Variants in ENOX1 observed in about 807,000 individuals in gnomAD.
The protein encoded by ENOX1 is ecto-NOX disulfide-thiol exchanger 1, also known as candidate growth-related and time keeping constitutive hydroquinone (NADH) oxidase.
ENOX1 carries 42 observed loss-of-function variants against 82.5 expected under a neutral mutation model. That is an observed-to-expected ratio of 0.51 (90% confidence interval 0.40 to 0.66). The LOEUF (loss-of-function observed/expected upper bound fraction) is 0.66, where lower values mean the gene tolerates loss of function less well. Ranked by LOEUF, ENOX1 falls within the 30% of genes least tolerant of loss-of-function variation. The probability of loss-of-function intolerance (pLI) is 0.00; values close to 1 mark genes in which losing one functional copy is unlikely to be tolerated. For synonymous variants in ENOX1, 271 were observed against 282.2 expected (o/e 0.96, Z 0.40); for missense variants, 608 against 811.6 (o/e 0.75, Z 3.05).
At chr13:43,228,920 G>A (rs999423446) in intron 15 of ENOX1, among the ~76,000 whole-genome samples, 7 of 152,192 alleles carry the variant, frequency 4.6e-5, no homozygotes, top group African/African-American at 1.7e-4. Context: ...TTGCTGGAAC[G>A]CTACCTTACA....
At chr13:43,664,350 G>C (rs1448026023) in intron 2 of ENOX1, among the ~76,000 whole-genome samples, 1 of 152,150 alleles carries the variant, frequency 6.6e-6, no homozygotes, top group East Asian at 1.9e-4. Flanking sequence ...CATGTTCAAG[G>C]CACCTGAGGT....
intron 5 of ENOX1, among the ~76,000 whole-genome samples, chr13:43,362,313 C>G (rs1038133522): frequency 1.3e-5 from 2 of 151,696 alleles, no homozygotes; most frequent in African/African-American, 2.4e-5. Context: ...TTTCTAACAG[C>G]AGGGGCTATG....
Position 43,281,971 on chromosome 13 carries a change from G to A in ENOX1, c.1447-12394C>T, listed in dbSNP as rs192543292. 1.4e-4 allele frequency among the ~76,000 whole-genome samples: 21 copies of A among 152,148 alleles called. 1 individual carries two copies. The highest frequency in any genetic ancestry group is 3.9e-4 in the East Asian group (2 of 5,186). On this transcript the variant is annotated intron_variant, in intron 12 of 16. Coordinates refer to ENST00000690772, the MANE Select transcript of ENOX1 (RefSeq NM_001347969.2). Reference sequence around the variant, plus strand: ...TATGAGGATTGAAAGAGATTATATCGGGATTAATCTGGGAAGGTTAAAAAA... The same window carrying A: ...TATGAGGATTGAAAGAGATTATATCAGGATTAATCTGGGAAGGTTAAAAAA...
At chr13:43,617,067 T>C (rs1024258979) in intron 2 of ENOX1, among the ~76,000 whole-genome samples, 4 of 152,164 alleles carry the variant, frequency 2.6e-5, no homozygotes, top group African/African-American at 7.2e-5. Flanking sequence ...TGTATGAACA[T>C]ATACATAACT....
intron 5 of ENOX1, among the ~76,000 whole-genome samples, chr13:43,404,776 G>A (rs2053691912): frequency 6.6e-6 from 1 of 152,120 alleles, no homozygotes; most frequent in African/African-American, 2.4e-5. Context: ...CTAATGTCCT[G>A]GGGAAGAAAG....
chr13:43,355,254 T>C (rs185479398), intron 8 of ENOX1, among the ~76,000 whole-genome samples: 38 of 152,290 alleles, frequency 2.5e-4, no homozygotes, highest in African/African-American at 8.9e-4. Context: ...TACCAGAGCC[T>C]TCCTATGTCT....
At chr13:43,780,029 C>T (rs562211535) in intron 1 of ENOX1, among the ~76,000 whole-genome samples, 13 of 151,978 alleles carry the variant, frequency 8.6e-5, no homozygotes, top group African/African-American at 2.9e-4. Context: ...GGCATGGTGG[C>T]GAGCACCTGT....
At chr13:43,535,315 T>G (rs2078410436) in intron 2 of ENOX1, among the ~76,000 whole-genome samples, 2 of 152,148 alleles carry the variant, frequency 1.3e-5, no homozygotes, top group African/African-American at 4.8e-5. Context: ...AACCTATCAC[T>G]AAAGAACTCA....
chr13:43,491,864 A>G (rs1014702770), intron 2 of ENOX1, among the ~76,000 whole-genome samples: 3 of 152,174 alleles, frequency 2.0e-5, no homozygotes, highest in African/African-American at 7.2e-5. Context: ...AGGGCTCCCT[A>G]TTTTCCAAAG....
At chr13:43,435,875 G>A (rs1397437870) in intron 3 of ENOX1, among the ~76,000 whole-genome samples, 2 of 151,666 alleles carry the variant, frequency 1.3e-5, no homozygotes, top group African/African-American at 4.8e-5. Context: ...TTTTCATCTG[G>A]GGTATCAAGA....
intron 1 of ENOX1, among the ~76,000 whole-genome samples, chr13:43,746,025 C>T (rs11839311): frequency 0.011 from 1,662 of 152,160 alleles, 25 homozygotes; most frequent in African/African-American, 0.037. Flanking sequence ...ACTAATATAA[C>T]CACTTTAAAA....
At chr13:43,304,908 C>T (rs76187388) in intron 11 of ENOX1, among the ~76,000 whole-genome samples, 2,487 of 152,248 alleles carry the variant, frequency 0.016, 53 homozygotes, top group African/African-American at 0.056. Context: ...TCTGAACTCA[C>T]CTATGTTTGA....
chr13:43,429,576 G>A (rs2153612806), intron 3 of ENOX1, among the ~76,000 whole-genome samples: 1 of 152,258 alleles, frequency 6.6e-6, no homozygotes, highest in East Asian at 1.9e-4. Flanking sequence ...AGATCAAATG[G>A]GGAAAGACTT....
Position 43,581,958 on chromosome 13 carries a change from T to G in ENOX1, c.-219+85521A>C, listed in dbSNP as rs905958382. On this transcript the variant is annotated intron_variant, in intron 2 of 16. Coordinates refer to ENST00000690772, the MANE Select transcript of ENOX1 (RefSeq NM_001347969.2). ...TAAATCATATATAGTATGTTCTACA[T>G]GCATGTATATATCATATCTGCACCC... 2.6e-5 allele frequency among the ~76,000 whole-genome samples: 4 copies of G among 152,360 alleles called. No homozygotes were observed. The East Asian group carries it at 7.7e-4, about 29-fold the overall frequency.
chr13:43,607,283 T>A (rs1163846284), intron 2 of ENOX1, among the ~76,000 whole-genome samples: 1 of 152,146 alleles, frequency 6.6e-6, no homozygotes, highest in Non-Finnish European at 1.5e-5. Context: ...AGTATTGGAT[T>A]AGGCCAAAAG....
chr13:43,779,183 T>TAAAA (rs57388902), intron 1 of ENOX1, among the ~76,000 whole-genome samples: 9 of 118,070 alleles, frequency 7.6e-5, no homozygotes, highest in Non-Finnish European at 1.3e-4. Context: ...CCTCGTTATT[T>TAAAA]AAAAAAAAAA....
intron 2 of ENOX1, among the ~76,000 whole-genome samples, chr13:43,657,822 C>A (rs2084517394): frequency 6.6e-6 from 1 of 152,150 alleles, no homozygotes; most frequent in Non-Finnish European, 1.5e-5. Context: ...AATAAACACA[C>A]AGTTTATAAA....
chr13:43,636,499 T>C (rs1436817275), intron 2 of ENOX1, among the ~76,000 whole-genome samples: 1 of 152,182 alleles, frequency 6.6e-6, no homozygotes, highest in African/African-American at 2.4e-5. Context: ...CTGGCCTCCC[T>C]GGAAAACTCT....
intron 8 of ENOX1, among the ~76,000 whole-genome samples, chr13:43,350,607 G>A (rs372794667): frequency 5.9e-5 from 9 of 152,024 alleles, no homozygotes; most frequent in Non-Finnish European, 1.0e-4. Context: ...CACCAGGCCC[G>A]GCTAATTTTG....
Sources: allele counts gnomAD v4.1 joint callset (sites outside exome capture counted in the v4.1 genomes callset), GRCh38; gene constraint gnomAD v4.1.1; transcripts MANE v1.5; gene names NCBI Gene and HGNC (gene_info 2026-07-23, HGNC 2026-07-21).